PER2: variants seen among roughly 807,000 people sequenced by gnomAD.
PER2 encodes period circadian protein homolog 2.
PER2 carries 66 observed loss-of-function variants against 121.0 expected under a neutral mutation model. That is an observed-to-expected ratio of 0.55 (90% CI 0.45 to 0.67). PER2 has a LOEUF of 0.67. Among genes scored for constraint, PER2 ranks in the 30% least tolerant of loss-of-function variants. The pLI, the probability that PER2 is intolerant of heterozygous loss-of-function variation, is 0.00. For missense variants in PER2, 1,521 were observed against 1,635.0 expected (o/e 0.93, Z 1.20); for synonymous variants, 684 against 659.9 (o/e 1.04, Z -0.56).
chr2:238,284,598 C>A (rs1696728567), intron 1 of PER2, among the ~76,000 whole-genome samples: 1 of 152,208 alleles, frequency 6.6e-6, no homozygotes, highest in Non-Finnish European at 1.5e-5. Context: ...CCAGCCCAGG[C>A]AGTCCTTAGA....
At chr2:238,271,955 A>G (rs1334498228) in intron 5 of PER2, among the ~76,000 whole-genome samples, 1 of 152,034 alleles carries the variant, frequency 6.6e-6, no homozygotes, top group Admixed American at 6.5e-5. Flanking sequence ...ACTTCTCCAC[A>G]CACAGAAACA....
At chr2:238,292,987 C>T (rs1205807712), upstream of PER2, among the ~76,000 whole-genome samples, 9 of 151,402 alleles carry the variant, frequency 5.9e-5, no homozygotes, top group African/African-American at 1.7e-4. Flanking sequence ...CCGCCCGCCT[C>T]GGCCTCCCAA....
intron 4 of PER2, among the ~76,000 whole-genome samples, chr2:238,273,946 G>C (rs569328358): frequency 1.3e-5 from 2 of 152,134 alleles, no homozygotes; most frequent in South Asian, 2.1e-4. Context: ...GATTACAGGC[G>C]TGAGCCACCG....
chr2:238,268,333 GC>G lies in PER2; in HGVS notation c.825-136del, dbSNP rs1374943742. On this transcript the variant is annotated intron_variant, in intron 7 of 22. Transcript: ENST00000254657. The surrounding 1 kb of genome is among the most constrained non-coding windows in gnomAD (Gnocchi z 4.0). ...CTGCTCTGCCTGAGGAGCTGGGCCT[GC>G]CCCCTGCCCTCTTCGGTCCCTCCCT... 14 of 878,624 alleles carry G rather than the reference GC, an allele frequency of 1.6e-5. No individual in the cohort carries two copies. The East Asian group carries it at 3.7e-4, about 23-fold the overall frequency. 54.4% of individuals were successfully genotyped at this position (878,624 alleles called of 1,614,324 possible).
intron 1 of PER2, among the ~76,000 whole-genome samples, chr2:238,284,109 C>G (rs1407337480): frequency 6.6e-6 from 1 of 152,142 alleles, no homozygotes; most frequent in East Asian, 1.9e-4. Flanking sequence ...TGCAAGATAT[C>G]TGGAATGTAA....
chr2:238,263,715 A>T (rs561550493), intron 9 of PER2, among the ~76,000 whole-genome samples: 2 of 152,208 alleles, frequency 1.3e-5, no homozygotes, highest in Admixed American at 1.3e-4. Context: ...CACTTGTTGC[A>T]TCCAAACCAA....
chr2:238,297,600 C>T, the PER2 span, among the ~76,000 whole-genome samples: 3 of 152,302 alleles, frequency 2.0e-5, no homozygotes, highest in East Asian at 1.9e-4. Context: ...CCCTGTTCCC[C>T]GAGCTCCCTG....
At position 238,262,217 on chromosome 2, in the gene PER2, G is replaced by C. The variant is rs1302082316; in HGVS notation, c.1281C>G (p.Phe427Leu). 1 of 1,614,034 alleles carries C rather than the reference G, an allele frequency of 6.2e-7. No individual in the cohort carries two copies. Among genetic ancestry groups the C allele is most frequent in the Middle Eastern group, 1.7e-4 (1 of 6,010 alleles). ...FINPWSRKIS[F>L]IIGRHKVRVG... is the part of the protein sequence containing the mutation. ...CCCTGACTTTGTGCCTCCCAATGATGAAGGAGATTTTCCTGCTCCATGGGT... is the reference window on the plus strand; with the variant it reads ...CCCTGACTTTGTGCCTCCCAATGATCAAGGAGATTTTCCTGCTCCATGGGT... The change falls in exon 11 of 23, where the codon TTC (phenylalanine) becomes TTG (leucine). Residue 427 changes from phenylalanine to leucine, a missense_variant. Phe to Leu is a conservative substitution (Grantham distance 22). Transcript: ENST00000254657.
At chr2:238,277,562 A>G in intron 2 of PER2, 145 bp downstream of exon 2, 2 of 970,726 alleles carry the variant, frequency 2.1e-6, no homozygotes, top group African/African-American at 1.6e-5. Flanking sequence ...AAGGACAGAC[A>G]CTGGCACATT....
In PER2 at chr2:238,258,656, G is replaced by T; in HGVS notation, c.1628-12C>A. On this transcript the variant is annotated splice_polypyrimidine_tract_variant and intron_variant, in intron 14 of 22. Coordinates refer to ENST00000254657, the MANE Select transcript of PER2 (RefSeq NM_022817.3). ...ATTAGTTTGCATTTCTGAAGGAATG[G>T]CAAAATTGTTCTTTCATTCATTTTT... 1 of 1,613,238 alleles carries T rather than the reference G, an allele frequency of 6.2e-7. No individual in the cohort carries two copies.
the PER2 span, chr2:238,299,268 AGT>A: frequency 6.6e-6 from 1 of 151,508 alleles, no homozygotes; most frequent in Non-Finnish European, 1.5e-5. Flanking sequence ...GGCTGGGCGC[AGT>A]GGCTCACATC....
At position 238,275,862 on chromosome 2, in the gene PER2, T is replaced by G; in HGVS notation, c.329A>C (p.Glu110Ala). ...CAGCTCCTTTAGTGTTTTTATCAGTTCTTTGTGTGTGTCCACTTTCGAAGA... is the reference window on the plus strand; with the variant it reads ...CAGCTCCTTTAGTGTTTTTATCAGTGCTTTGTGTGTGTCCACTTTCGAAGA... ...DQSSKVDTHK[E>A]LIKTLKELKV... is the part of the protein sequence containing the mutation. Residue 110 changes from glutamate (E) to alanine (A), a missense_variant, in exon 4 of 23, where the codon GAA becomes GCA. Transcript: ENST00000254657. 1.2e-6 allele frequency: 2 copies of G among 1,614,250 alleles called. No homozygotes were observed. Among genetic ancestry groups the G allele is most frequent in the Non-Finnish European group, 8.5e-7 (1 of 1,180,042 alleles).
At position 238,253,586 on chromosome 2, in the gene PER2, A is replaced by G. The variant is rs1462760814; in HGVS notation, c.2437T>C (p.Ser813Pro). 1 of 1,610,164 alleles carries G rather than the reference A, an allele frequency of 6.2e-7. No homozygotes were observed. The highest frequency in any genetic ancestry group is 8.5e-7 in the Non-Finnish European group (1 of 1,178,296). Residue 813 changes from serine to proline, a missense_variant, in exon 19 of 23, where the codon TCT (serine) becomes CCT (proline). Transcript: ENST00000254657. The surrounding 1 kb of genome is among the most constrained non-coding windows in gnomAD (Gnocchi z 5.6). ...KPRDSSESTG[S>P]GGPVSARPPL... The stretch of plus-strand genomic sequence containing the variant: ...GGCCGGGCGGACACGGGCCCCCCAG[A>G]TCCGGTGCTCTCAGATGAGTCTCGA...
chr2:238,253,759 C>A lies in PER2; in HGVS notation c.2321-57G>T. On this transcript the variant is annotated intron_variant, in intron 18 of 22. Coordinates refer to ENST00000254657, the MANE Select transcript of PER2 (RefSeq NM_022817.3). The surrounding 1 kb of genome is among the most constrained non-coding windows in gnomAD (Gnocchi z 5.6). ...AATTTTAACTCCAAATTTGAAGACA[C>A]CTCTTCGTTCAACAGTCCTGGGTTT... The A allele has an allele frequency of 7.5e-7, 1 of 1,338,654 alleles. No individual in the cohort carries two copies. The highest frequency in any genetic ancestry group is 1.0e-6 in the Non-Finnish European group (1 of 962,686). 82.9% of individuals were successfully genotyped at this position (1,338,654 alleles called of 1,614,324 possible).
chr2:238,263,421 T>C (rs551827863), intron 9 of PER2, among the ~76,000 whole-genome samples: 1 of 152,360 alleles, frequency 6.6e-6, no homozygotes, highest in East Asian at 1.9e-4. Context: ...GGATTTTTGC[T>C]TAACAAGTTT....
chr2:238,255,783 C>T lies in PER2; in HGVS notation c.2194G>A (p.Ala732Thr), dbSNP rs779820653. ...CTCTGCTCCTCCTTCTGTGTGTGTG[C>T]AGCGAGTACCTCCTTGGTGAGGCCC... ...KLGLTKEVLA[A>T]HTQKEEQSFL... The change falls in exon 18 of 23, where the codon GCA (alanine) becomes ACA (threonine). Residue 732 changes from alanine to threonine, a missense_variant. Ala to Thr is a moderately conservative substitution (Grantham distance 58). Transcript: ENST00000254657. 5.0e-6 allele frequency: 8 copies of T among 1,614,178 alleles called. No individual in the cohort carries two copies. The South Asian group carries it at 8.8e-5, about 18-fold the overall frequency.
At position 238,263,019 on chromosome 2, in the gene PER2, A is replaced by G. The variant is rs138659992; in HGVS notation, c.1086T>C (p.Ile362=). The change falls in exon 10 of 23, where the codon ATT becomes ATC. Residue 362 remains isoleucine (I), a synonymous_variant. Transcript: ENST00000254657. ...GGAGCTGCACGAGCACTGGGGTTTCAATCAGGTCCTGAGGTAGGTAGCCCA... is the reference window on the plus strand; with the variant it reads ...GGAGCTGCACGAGCACTGGGGTTTCGATCAGGTCCTGAGGTAGGTAGCCCA... The part of the protein sequence containing the change: ...PLLGYLPQDL[I]ETPVLVQLHP... The G allele has an allele frequency of 8.1e-6, 13 of 1,613,884 alleles. No individual in the cohort carries two copies. The highest frequency in any genetic ancestry group is 1.3e-5 in the African/African-American group (1 of 74,914).
At chr2:238,286,294 C>G (rs993139458) in intron 1 of PER2, among the ~76,000 whole-genome samples, 4 of 152,078 alleles carry the variant, frequency 2.6e-5, no homozygotes, top group Non-Finnish European at 5.9e-5. Flanking sequence ...CACGAGGAAC[C>G]CTTCGAGGCC....
chr2:238,294,218 C>T (rs187491774), upstream of PER2, among the ~76,000 whole-genome samples: 227 of 152,360 alleles, frequency 1.5e-3, 7 homozygotes, highest in South Asian at 0.044. Flanking sequence ...GCAGCAGGCT[C>T]CCTGGCTCTG....
Sources: allele counts gnomAD v4.1 joint callset (sites outside exome capture counted in the v4.1 genomes callset), GRCh38; gene constraint gnomAD v4.1.1; non-coding constraint Gnocchi (gnomAD v3.1); transcripts MANE v1.5; gene names NCBI Gene and HGNC (gene_info 2026-07-23, HGNC 2026-07-21).